DNAH14: variants seen among roughly 807,000 people sequenced by gnomAD.
DNAH14 encodes axonemal beta dynein heavy chain 14.
Under a neutral mutation model 520.9 loss-of-function variants are expected in DNAH14, and 478 were observed. The observed-to-expected ratio is 0.92, with a 90% CI of 0.85 to 0.99. The LOEUF (loss-of-function observed/expected upper bound fraction) is 0.99. Ranked by LOEUF, DNAH14 falls within the 50% of genes least tolerant of loss-of-function variation. DNAH14 has a pLI of 0.00. For missense variants in DNAH14, 4,831 were observed against 5,234.5 expected, an observed-to-expected ratio of 0.92 and a Z score of 2.38; for synonymous variants, 1,581 against 1,757.2, an observed-to-expected ratio of 0.90 and a Z score of 2.51.
chr1:225,264,648 A>G (rs2093051382), intron 47 of DNAH14, among the ~76,000 whole-genome samples: 1 of 152,050 alleles, frequency 6.6e-6, no homozygotes, highest in Non-Finnish European at 1.5e-5. Flanking sequence ...CAATAGAAAC[A>G]TATGTGGAGT....
chr1:224,937,334 A>G (rs1471506563), intron 1 of DNAH14, among the ~76,000 whole-genome samples: 1 of 152,014 alleles, frequency 6.6e-6, no homozygotes, highest in Non-Finnish European at 1.5e-5. Flanking sequence ...AACTGATAGA[A>G]CTGATAAATG....
chr1:224,994,685 G>A (rs2063280615), intron 8 of DNAH14, among the ~76,000 whole-genome samples: 2 of 151,984 alleles, frequency 1.3e-5, no homozygotes, highest in Admixed American at 1.3e-4. Context: ...TTATGGACAG[G>A]TAAGGACTTA....
At chr1:225,250,768 G>A (rs1261504271) in intron 43 of DNAH14, 1 of 470,134 alleles carries the variant, frequency 2.1e-6, no homozygotes, top group African/African-American at 2.0e-5. Flanking sequence ...AAATGGGCTT[G>A]GGATTGGCTA....
At chr1:225,380,667 A>G (rs2095768405) in intron 80 of DNAH14, among the ~76,000 whole-genome samples, 1 of 152,190 alleles carries the variant, frequency 6.6e-6, no homozygotes, top group Admixed American at 6.5e-5. Context: ...GGAAGTTTAG[A>G]TGGACCTTCT....
intron 73 of DNAH14, chr1:225,357,907 G>T: frequency 1.4e-6 from 1 of 695,800 alleles, no homozygotes; most frequent in Non-Finnish European, 2.6e-6. Context: ...TATGGGAAAG[G>T]TCTTTCCTCT....
chr1:225,099,931 G>T lies in DNAH14; in HGVS notation c.3696-782G>T, dbSNP rs74147105. On this transcript the variant is annotated intron_variant, in intron 22 of 85. Transcript: ENST00000682510. ...CTCCCCTCTTCAACTTCAGAGCCAA[G>T]AGGAGTTTGAATCAGGTTGAGGCTA... Among the ~76,000 whole-genome samples, 712 of 152,160 alleles carry T rather than the reference G, an allele frequency of 4.7e-3. 6 individuals are homozygous for T. Among genetic ancestry groups the T allele is most frequent in the African/African-American group, 0.017 (691 of 41,526 alleles).
chr1:225,110,274 TTTGGCAAAA>T (rs2076385351), intron 23 of DNAH14, among the ~76,000 whole-genome samples: 1 of 152,164 alleles, frequency 6.6e-6, no homozygotes, highest in South Asian at 2.1e-4. Context: ...TCTTTAAATA[TTTGGCAAAA>T]TTCAGCAGTG....
At chr1:225,000,105 A>G (rs2063654084) in intron 8 of DNAH14, among the ~76,000 whole-genome samples, 1 of 152,172 alleles carries the variant, frequency 6.6e-6, no homozygotes, top group Non-Finnish European at 1.5e-5. Flanking sequence ...CTGTTAGTAT[A>G]CAGGTTCTAC....
chr1:224,960,955 G>A (rs2060806589), intron 4 of DNAH14: 1 of 152,030 alleles, frequency 6.6e-6, no homozygotes. Context: ...CGGACGTGGT[G>A]GTGTTCATGC....
At chr1:225,104,208 A>C (rs2075802737) in intron 23 of DNAH14, among the ~76,000 whole-genome samples, 1 of 152,298 alleles carries the variant, frequency 6.6e-6, no homozygotes, top group South Asian at 2.1e-4. Context: ...CATATGTTAA[A>C]CCAGCCTTGA....
intron 23 of DNAH14, among the ~76,000 whole-genome samples, chr1:225,112,744 T>G (rs954359637): frequency 4.6e-5 from 7 of 152,090 alleles, no homozygotes; most frequent in African/African-American, 1.7e-4. Context: ...TCTCTTCTGC[T>G]TGATCAATTC....
At chr1:225,105,133 T>G (rs1189977541) in intron 23 of DNAH14, among the ~76,000 whole-genome samples, 1 of 152,238 alleles carries the variant, frequency 6.6e-6, no homozygotes, top group Non-Finnish European at 1.5e-5. Context: ...CTACCTTCAT[T>G]TCCTTATGTA....
At chr1:225,019,644 C>T (rs1241746299) in intron 10 of DNAH14, among the ~76,000 whole-genome samples, 1 of 152,174 alleles carries the variant, frequency 6.6e-6, no homozygotes, top group African/African-American at 2.4e-5. Flanking sequence ...GGCACATACT[C>T]TAAGATTGAC....
chr1:225,022,722 C>G (rs185798536), intron 10 of DNAH14, among the ~76,000 whole-genome samples: 10 of 152,170 alleles, frequency 6.6e-5, no homozygotes. Context: ...TACCATTCAA[C>G]TCAGCAATCC....
Position 225,209,759 on chromosome 1 carries a change from C to T in DNAH14, c.6439+2539C>T, listed in dbSNP as rs149706787. Among the ~76,000 whole-genome samples, 124 of 152,246 alleles carry T rather than the reference C, an allele frequency of 8.1e-4. 1 individual carries two copies. Among genetic ancestry groups the T allele is most frequent in the Admixed American group, 2.9e-3 (44 of 15,290 alleles). The stretch of plus-strand genomic sequence containing the variant: ...AGTCTGCAGGTCCCAGCGAGATCAA[C>T]GCAGAAGGTGGGTGATTTCTGCATT... On this transcript the variant is annotated intron_variant, in intron 41 of 85. Transcript: ENST00000682510.
At chr1:225,024,114 T>G in intron 11 of DNAH14, 1 of 1,053,858 alleles carries the variant, frequency 9.5e-7, no homozygotes, top group Non-Finnish European at 1.2e-6. Context: ...ATACTTCAAG[T>G]ATTACCTATG....
Position 225,318,597 on chromosome 1 carries a change from A to C in DNAH14, c.9255A>C (p.Glu3085Asp). The C allele has an allele frequency of 6.5e-7, 1 of 1,547,330 alleles. No individual in the cohort carries two copies. The highest frequency in any genetic ancestry group is 2.5e-5 in the East Asian group (1 of 40,810). ...VEDYAQKTAN[E>D]LKSVLPAFDK... ...TTTTATTGCAGAAAACTGCCAATGA[A>C]CTAAAAAGTGTGCTGCCAGCCTTTG... is the stretch of plus-strand genomic sequence containing the variant. Residue 3085 changes from glutamate (E) to aspartate (D), a missense_variant, in exon 61 of 86, where the codon GAA becomes GAC. By Grantham distance (45) the Glu-to-Asp change is conservative. Transcript: ENST00000682510.
intron 12 of DNAH14, among the ~76,000 whole-genome samples, chr1:225,041,534 A>G (rs1241271847): frequency 1.3e-5 from 2 of 152,260 alleles, no homozygotes; most frequent in Admixed American, 6.5e-5. Context: ...GCACAGACCC[A>G]TGAGTGAACT....
chr1:225,148,001 A>G (rs138099490), intron 31 of DNAH14, among the ~76,000 whole-genome samples: 71 of 152,278 alleles, frequency 4.7e-4, no homozygotes, highest in Middle Eastern at 3.4e-3. Context: ...TCCATGGTGT[A>G]TATATACCAC....
Sources: allele counts gnomAD v4.1 joint callset (sites outside exome capture counted in the v4.1 genomes callset), GRCh38; gene constraint gnomAD v4.1.1; transcripts MANE v1.5; gene names NCBI Gene and HGNC (gene_info 2026-07-23, HGNC 2026-07-21).